Variants in PARVA observed in about 807,000 individuals in gnomAD.
PARVA encodes the protein alpha-parvin.
In PARVA, 25 loss-of-function variants were observed where a neutral mutation model predicts 52.6. The ratio of observed to expected loss-of-function variants is 0.48; its 90% CI spans 0.35 to 0.66. PARVA has a LOEUF of 0.66. Ranked by LOEUF, PARVA falls within the 30% of genes least tolerant of loss-of-function variation. The probability of loss-of-function intolerance (pLI) is 0.01; values close to 1 mark genes in which losing one functional copy is unlikely to be tolerated. For synonymous variants in PARVA, 185 were observed against 179.1 expected (o/e 1.03, Z -0.26); for missense variants, 373 against 450.9 (o/e 0.83, Z 1.56).
At chr11:12,500,651 C>T (rs765545315) in intron 5 of PARVA, among the ~76,000 whole-genome samples, 13 of 150,714 alleles carry the variant, frequency 8.6e-5, no homozygotes, top group South Asian at 2.1e-4. Context: ...ATTAGCCCAG[C>T]GTGGTGGCAG....
At chr11:12,383,370 G>A (rs1377285560) in intron 1 of PARVA, among the ~76,000 whole-genome samples, 2 of 152,142 alleles carry the variant, frequency 1.3e-5, no homozygotes, top group African/African-American at 4.8e-5. Context: ...GAAGGCACCC[G>A]AATTAGGCCA....
At chr11:12,479,631 A>G (rs1941058582) in intron 4 of PARVA, 1 of 152,084 alleles carries the variant, frequency 6.6e-6, no homozygotes, top group South Asian at 2.1e-4. Flanking sequence ...ATAGTCATAT[A>G]CTTTTTTTTG....
At chr11:12,394,819 T>C (rs1399533929) in intron 1 of PARVA, among the ~76,000 whole-genome samples, 2 of 152,096 alleles carry the variant, frequency 1.3e-5, no homozygotes, top group East Asian at 3.9e-4. Flanking sequence ...AGGCTGGGCG[T>C]GGTGGCTCAA....
chr11:12,494,059 G>A (rs569085581), intron 4 of PARVA, among the ~76,000 whole-genome samples: 1 of 152,300 alleles, frequency 6.6e-6, no homozygotes, highest in East Asian at 1.9e-4. Context: ...ACTCAGGAAG[G>A]CACTTAGGTT....
intron 1 of PARVA, among the ~76,000 whole-genome samples, chr11:12,462,701 C>A (rs1371817934): frequency 2.0e-5 from 3 of 152,318 alleles, no homozygotes; most frequent in African/African-American, 7.2e-5. Context: ...TGGATAGATG[C>A]AATTCCAGAG....
intron 1 of PARVA, among the ~76,000 whole-genome samples, chr11:12,383,970 C>CCA (rs1939533154): frequency 6.6e-6 from 1 of 152,098 alleles, no homozygotes; most frequent in South Asian, 2.1e-4. Context: ...AAAATTGAGA[C>CCA]CAGCTATGAG....
intron 1 of PARVA, among the ~76,000 whole-genome samples, chr11:12,460,944 A>G (rs533869596): frequency 2.6e-5 from 4 of 152,258 alleles, no homozygotes; most frequent in African/African-American, 9.6e-5. Flanking sequence ...TCAACCCTGG[A>G]AGAGTACGCT....
chr11:12,404,208 C>T (rs1215591971), intron 1 of PARVA, among the ~76,000 whole-genome samples: 1 of 151,700 alleles, frequency 6.6e-6, no homozygotes, highest in Non-Finnish European at 1.5e-5. Flanking sequence ...TCAGCAAATA[C>T]TAGAAGTTAT....
intron 5 of PARVA, among the ~76,000 whole-genome samples, chr11:12,498,852 G>A (rs906700120): frequency 2.6e-5 from 4 of 152,182 alleles, no homozygotes; most frequent in Admixed American, 6.5e-5. Flanking sequence ...GATTACAGGC[G>A]TGAGCCACTG....
At chr11:12,452,040 C>T (rs1940629811) in intron 1 of PARVA, among the ~76,000 whole-genome samples, 1 of 151,900 alleles carries the variant, frequency 6.6e-6, no homozygotes, top group Non-Finnish European at 1.5e-5. Flanking sequence ...CCCAGATAGT[C>T]TCCTGCCACC....
intron 1 of PARVA, among the ~76,000 whole-genome samples, chr11:12,454,031 T>C (rs1314549332): frequency 6.6e-6 from 1 of 152,114 alleles, no homozygotes; most frequent in Non-Finnish European, 1.5e-5. Context: ...AGGAAGGCAT[T>C]TGTATTGAAG....
At chr11:12,396,109 T>A (rs1166041666) in intron 1 of PARVA, among the ~76,000 whole-genome samples, 1 of 152,158 alleles carries the variant, frequency 6.6e-6, no homozygotes, top group Non-Finnish European at 1.5e-5. Context: ...AGGTCCCAAT[T>A]TTACAGATGA....
rs748307539 is a variant in PARVA at position 12,518,401 on chromosome 11, C to G, written c.970-44C>G. 9 of 1,489,738 alleles carry G rather than the reference C, an allele frequency of 6.0e-6. 1 individual carries two copies. The South Asian group carries it at 1.0e-4, about 17-fold the overall frequency. The allele number at this position is 1,489,738 out of a possible 1,614,324, so 92.3% of individuals were successfully genotyped here. A position where few individuals can be genotyped will look rare whatever the true frequency, so the allele number is the denominator to read the frequency against. ...CTTCCCAGGGCCAGGTCCTGGGGCT[C>G]CTGGGTGTGCAATGGTACATGCTGT... On this transcript the variant is annotated intron_variant, in intron 11 of 12. Transcript: ENST00000334956.
intron 10 of PARVA, among the ~76,000 whole-genome samples, chr11:12,515,826 A>C (rs1414384491): frequency 6.6e-6 from 1 of 152,068 alleles, no homozygotes; most frequent in East Asian, 1.9e-4. Context: ...GATGGATAGA[A>C]GCTGGGAGGA....
chr11:12,386,491 C>T (rs1452899352), intron 1 of PARVA, among the ~76,000 whole-genome samples: 1 of 152,212 alleles, frequency 6.6e-6, no homozygotes, highest in Admixed American at 6.5e-5. Context: ...CCTCTGTGAT[C>T]CCACAGTGCC....
At chr11:12,519,417 C>T (rs1941610492) in intron 12 of PARVA, among the ~76,000 whole-genome samples, 1 of 152,156 alleles carries the variant, frequency 6.6e-6, no homozygotes, top group African/African-American at 2.4e-5. Flanking sequence ...GGGGTAAGAC[C>T]TTCCTGAACC....
chr11:12,512,113 T>G (rs1402941745), intron 8 of PARVA, among the ~76,000 whole-genome samples: 1 of 152,230 alleles, frequency 6.6e-6, no homozygotes, highest in Non-Finnish European at 1.5e-5. Context: ...TTATCCTCAT[T>G]TTAGAGATGA....
At chr11:12,392,938 C>G (rs1939680686) in intron 1 of PARVA, among the ~76,000 whole-genome samples, 1 of 150,876 alleles carries the variant, frequency 6.6e-6, no homozygotes, top group African/African-American at 2.4e-5. Context: ...TGGCTGTGCT[C>G]CTGAAATATT....
chr11:12,399,516 AT>A (rs1939795924), intron 1 of PARVA, among the ~76,000 whole-genome samples: 1 of 152,230 alleles, frequency 6.6e-6, no homozygotes, highest in African/African-American at 2.4e-5. Context: ...ATTGCTAAAT[AT>A]TTCTAAATGT....
Sources: allele counts gnomAD v4.1 joint callset (sites outside exome capture counted in the v4.1 genomes callset), GRCh38; gene constraint gnomAD v4.1.1; transcripts MANE v1.5; gene names NCBI Gene and HGNC (gene_info 2026-07-23, HGNC 2026-07-21).